Variants in SLMAP observed in about 807,000 individuals in gnomAD.
SLMAP encodes the protein sarcolemma associated protein.
Under a neutral mutation model 128.8 loss-of-function variants are expected in SLMAP, and 44 were observed. The ratio of observed to expected loss-of-function variants is 0.34; its 90% CI spans 0.27 to 0.44. The LOEUF is 0.44. Among genes scored for constraint, SLMAP ranks in the 20% least tolerant of loss-of-function variants. The pLI is 1.00. For missense variants in SLMAP, 787 were observed against 985.3 expected (o/e 0.80, Z 2.69); for synonymous variants, 327 against 348.8 (o/e 0.94, Z 0.70).
intron 2 of SLMAP, among the ~76,000 whole-genome samples, chr3:57,816,296 A>T (rs2091852518): frequency 6.6e-6 from 1 of 152,058 alleles, no homozygotes; most frequent in South Asian, 2.1e-4. Flanking sequence ...GGTGTGTGCC[A>T]CCACACCTGG....
At chr3:57,844,076 G>A (rs2094119670) in intron 4 of SLMAP, among the ~76,000 whole-genome samples, 1 of 134,148 alleles carries the variant, frequency 7.5e-6, no homozygotes. Context: ...CACTGCACCT[G>A]GGCCAACCAT....
chr3:57,762,122 A>C (rs962991004), intron 2 of SLMAP, among the ~76,000 whole-genome samples: 1 of 151,686 alleles, frequency 6.6e-6, no homozygotes, highest in Non-Finnish European at 1.5e-5. Flanking sequence ...GTAATCCAGC[A>C]CTTGGGGAGG....
rs148571148 is a variant in SLMAP, at chr3:57,881,180, C to T, written c.1301-8861C>T. On this transcript the variant is annotated intron_variant, in intron 14 of 24. Transcript: ENST00000671191. ...CTGTACTCCAGCCTGGATGACAGAG[C>T]GAGACTCCATCTCAAAAAAAAAAAG... Among the ~76,000 whole-genome samples, 14 of 151,250 alleles carry T rather than the reference C, an allele frequency of 9.3e-5. No individual in the cohort carries two copies. The East Asian group carries it at 2.5e-3, about 27-fold the overall frequency.
chr3:57,923,376 C>G (rs2096949769), intron 23 of SLMAP, among the ~76,000 whole-genome samples: 1 of 152,162 alleles, frequency 6.6e-6, no homozygotes, highest in Non-Finnish European at 1.5e-5. Flanking sequence ...CATTGTACCA[C>G]CAGGGATCCA....
chr3:57,892,637 CTT>C (rs2096111795), intron 15 of SLMAP, among the ~76,000 whole-genome samples: 1 of 152,022 alleles, frequency 6.6e-6, no homozygotes, highest in South Asian at 2.1e-4. Context: ...GGATCCATGA[CTT>C]GACTTGCTAA....
chr3:57,772,325 A>C (rs753428450), intron 2 of SLMAP, among the ~76,000 whole-genome samples: 14 of 152,236 alleles, frequency 9.2e-5, no homozygotes, highest in Non-Finnish European at 1.8e-4. Context: ...TTTTAGTTAT[A>C]TGCCACAGAC....
At chr3:57,814,707 C>T (rs2091598663) in intron 2 of SLMAP, among the ~76,000 whole-genome samples, 1 of 152,016 alleles carries the variant, frequency 6.6e-6, no homozygotes, top group Admixed American at 6.6e-5. Flanking sequence ...GGTGCAGTGG[C>T]TCATGGGTGT....
intron 2 of SLMAP, among the ~76,000 whole-genome samples, chr3:57,785,231 AC>A (rs2083846604): frequency 6.6e-6 from 1 of 152,202 alleles, no homozygotes; most frequent in Admixed American, 6.5e-5. Context: ...GTTAGGGATT[AC>A]ACCAGTCATA....
intron 10 of SLMAP, 60 bp downstream of exon 10, chr3:57,862,146 C>T (rs1203487189): frequency 7.2e-6 from 10 of 1,386,608 alleles, no homozygotes; most frequent in East Asian, 2.4e-5. Context: ...CACTAGATAG[C>T]TTAAGATTTT....
chr3:57,860,295 T>G (rs1172372940), intron 8 of SLMAP, among the ~76,000 whole-genome samples: 3 of 152,248 alleles, frequency 2.0e-5, no homozygotes, highest in African/African-American at 7.2e-5. Flanking sequence ...ACATGAAGTC[T>G]GCTTTTCCCC....
rs1011344202 is a variant in SLMAP at position 57,910,503 on chromosome 3, G to A, written c.1699+1353G>A. Among the ~76,000 whole-genome samples, 11 of 152,124 alleles carry A rather than the reference G, an allele frequency of 7.2e-5. 1 individual carries two copies. The highest frequency in any genetic ancestry group is 2.6e-4 in the Admixed American group (4 of 15,266). On this transcript the variant is annotated intron_variant, in intron 19 of 24. Coordinates refer to ENST00000671191, the MANE Select transcript of SLMAP (RefSeq NM_001377540.1). ...GGCCTCAAGAAAAATTATATATCAC[G>A]TGGAATAGGATAGTAGTCTCTGCAC...
chr3:57,789,282 G>A (rs116476266), intron 2 of SLMAP, among the ~76,000 whole-genome samples: 2,803 of 152,244 alleles, frequency 0.018, 75 homozygotes, highest in African/African-American at 0.063. Flanking sequence ...ATTGCGGGGC[G>A]AGGGTAGAGA....
At chr3:57,857,903 T>C in intron 7 of SLMAP, 75 bp downstream of exon 7, 8 of 1,103,480 alleles carry the variant, frequency 7.2e-6, no homozygotes, top group Non-Finnish European at 8.1e-6. Flanking sequence ...TAAACTAAAA[T>C]GTAGCAAACA....
intron 4 of SLMAP, among the ~76,000 whole-genome samples, chr3:57,843,240 A>G (rs2094027903): frequency 7.3e-6 from 1 of 136,082 alleles, no homozygotes; most frequent in Non-Finnish European, 1.6e-5. Context: ...TCCTTCCTTA[A>G]TTTTTATTAC....
intron 17 of SLMAP, 24 bp downstream of exon 17, chr3:57,896,956 A>G (rs746525022): frequency 9.9e-6 from 16 of 1,612,958 alleles, no homozygotes; most frequent in African/African-American, 1.3e-5. Flanking sequence ...TTTTTATGAC[A>G]TCGTAAACCA....
chr3:57,818,939 G>A (rs1405000480), intron 2 of SLMAP, among the ~76,000 whole-genome samples: 1 of 152,216 alleles, frequency 6.6e-6, no homozygotes, highest in African/African-American at 2.4e-5. Flanking sequence ...ATTCTGAGAA[G>A]TGCTGGATAT....
intron 6 of SLMAP, among the ~76,000 whole-genome samples, chr3:57,852,461 C>T (rs553948243): frequency 2.0e-5 from 3 of 152,226 alleles, no homozygotes; most frequent in East Asian, 3.9e-4. Context: ...TTGTTTAACC[C>T]TTTTGTGCCT....
intron 21 of SLMAP, among the ~76,000 whole-genome samples, chr3:57,915,583 A>T (rs1252422688): frequency 6.6e-6 from 1 of 152,204 alleles, no homozygotes; most frequent in East Asian, 1.9e-4. Flanking sequence ...TGAAGTGTAC[A>T]ATCAAAATGG....
rs547199410 is a variant in SLMAP at position 57,775,388 on chromosome 3, C to T, written c.198+17539C>T. 3.2e-4 allele frequency among the ~76,000 whole-genome samples: 48 copies of T among 152,042 alleles called. 1 individual carries two copies. The highest frequency in any genetic ancestry group is 2.9e-4 in the Non-Finnish European group (20 of 67,968). On this transcript the variant is annotated intron_variant, in intron 2 of 24. Transcript: ENST00000671191. ...TCAGCCACTTTAAAAATACTTGTGG[C>T]TGGGCCAGGCATATTGGCTTACGCC...
Sources: gnomAD v4.1 joint callset for allele counts (sites outside exome capture counted in the v4.1 genomes callset) on GRCh38, gnomAD v4.1.1 for gene constraint, MANE v1.5 for transcripts, NCBI Gene and HGNC (gene_info 2026-07-23, HGNC 2026-07-21) for gene names.